KLKB1: variants seen among roughly 807,000 people sequenced by gnomAD.
KLKB1 encodes the protein kallikrein B1.
Under a neutral mutation model 73.6 loss-of-function variants are expected in KLKB1, and 58 were observed. The ratio of observed to expected loss-of-function variants is 0.79; its 90% CI spans 0.64 to 0.98. The LOEUF (loss-of-function observed/expected upper bound fraction) is 0.98. Among genes scored for constraint, KLKB1 ranks in the 50% least tolerant of loss-of-function variants. KLKB1 has a pLI of 0.00. For missense variants in KLKB1, 737 were observed against 763.8 expected, an observed-to-expected ratio of 0.96 and a Z score of 0.41; for synonymous variants, 280 against 258.1, an observed-to-expected ratio of 1.08 and a Z score of -0.81.
intron 11 of KLKB1, among the ~76,000 whole-genome samples, chr4:186,253,135 CT>C (rs1272041817): frequency 6.6e-6 from 1 of 152,130 alleles, no homozygotes; most frequent in African/African-American, 2.4e-5. Context: ...ATTTAAAATG[CT>C]TAGTACTGTG....
chr4:186,226,792 A>G (rs1332313922), upstream of KLKB1, among the ~76,000 whole-genome samples: 1 of 152,138 alleles, frequency 6.6e-6, no homozygotes, highest in East Asian at 1.9e-4. Context: ...CTGGATCTGC[A>G]GGGGATGGCC....
At chr4:186,216,124 T>A (rs1334668179) in intron 2 of KLKB1, among the ~76,000 whole-genome samples, 1 of 152,222 alleles carries the variant, frequency 6.6e-6, no homozygotes, top group Middle Eastern at 3.2e-3. Context: ...GGTAATAGCT[T>A]ACATGTGCGA....
intron 6 of KLKB1, among the ~76,000 whole-genome samples, chr4:186,239,389 T>C (rs981326295): frequency 1.7e-4 from 26 of 149,556 alleles, no homozygotes; most frequent in African/African-American, 5.7e-4. Flanking sequence ...GGTACAGTGA[T>C]ATAGGACAGT....
chr4:186,212,899 G>T (rs1392226567), intron 2 of KLKB1: 1 of 152,134 alleles, frequency 6.6e-6, no homozygotes, highest in African/African-American at 2.4e-5. Context: ...AAGGAAGGAG[G>T]TGATACAATT....
chr4:186,225,733 C>T (rs535272282), upstream of KLKB1, among the ~76,000 whole-genome samples: 36 of 152,128 alleles, frequency 2.4e-4, no homozygotes, highest in African/African-American at 6.3e-4. Flanking sequence ...TGCACCTGGC[C>T]GAGGATCTCT....
At chr4:186,215,728 C>T (rs28386792) in intron 2 of KLKB1, among the ~76,000 whole-genome samples, 3 of 152,086 alleles carry the variant, frequency 2.0e-5, no homozygotes, top group East Asian at 1.9e-4. Flanking sequence ...TGCATGCCAC[C>T]GTGCCTGGCT....
Position 186,251,626 on chromosome 4 carries a change from C to G in KLKB1, c.1008C>G (p.Leu336=). The G allele has an allele frequency of 1.2e-6, 2 of 1,614,088 alleles. No individual in the cohort carries two copies. The highest frequency in any genetic ancestry group is 2.2e-5 in the South Asian group (2 of 91,078). The part of the protein sequence containing the change: ...IRCQFFTYSL[L]PEDCKEEKCK... ...GTCAGTTTTTCACTTATTCTTTACT[C>G]CCAGAAGACTGTAAGGAAGAGAAGT... is the stretch of plus-strand genomic sequence containing the variant. Residue 336 remains leucine (L), a synonymous_variant, in exon 9 of 15, where the codon CTC becomes CTG. Transcript: ENST00000264690.
intron 2 of KLKB1, among the ~76,000 whole-genome samples, chr4:186,214,957 C>T (rs79522302): frequency 0.011 from 1,722 of 152,276 alleles, 35 homozygotes; most frequent in African/African-American, 0.039. Context: ...CCTCTTTACC[C>T]GTCACTTTCT....
At chr4:186,215,534 T>C (rs1346339271) in intron 2 of KLKB1, among the ~76,000 whole-genome samples, 1 of 152,104 alleles carries the variant, frequency 6.6e-6, no homozygotes, top group Non-Finnish European at 1.5e-5. Flanking sequence ...AGTTTTATGC[T>C]TATGGAAATA....
intron 13 of KLKB1, among the ~76,000 whole-genome samples, chr4:186,256,581 T>A (rs1354919935): frequency 6.6e-6 from 1 of 152,186 alleles, no homozygotes; most frequent in Non-Finnish European, 1.5e-5. Flanking sequence ...CATTTTTAGA[T>A]TTTTTATTGG....
At chr4:186,249,018 G>A (rs1738531588) in intron 6 of KLKB1, among the ~76,000 whole-genome samples, 1 of 151,900 alleles carries the variant, frequency 6.6e-6, no homozygotes, top group Non-Finnish European at 1.5e-5. Flanking sequence ...AAAATAATTG[G>A]GTTATTTTCA....
chr4:186,244,849 G>T (rs1433368723), intron 6 of KLKB1, among the ~76,000 whole-genome samples: 2 of 152,164 alleles, frequency 1.3e-5, no homozygotes, highest in Non-Finnish European at 2.9e-5. Flanking sequence ...CATGCTGTGG[G>T]ATGGGATATT....
intron 2 of KLKB1, among the ~76,000 whole-genome samples, chr4:186,218,212 C>G (rs1313715389): frequency 6.6e-6 from 1 of 152,204 alleles, no homozygotes; most frequent in East Asian, 1.9e-4. Flanking sequence ...TCAAGCCAGT[C>G]CCTTCCAAAT....
upstream of KLKB1, among the ~76,000 whole-genome samples, chr4:186,223,268 G>C (rs1285280162): frequency 6.6e-6 from 1 of 152,210 alleles, no homozygotes; most frequent in Non-Finnish European, 1.5e-5. Context: ...GTGAGGTACT[G>C]CTATAAAGAC....
chr4:186,250,288 A>T lies in KLKB1; in HGVS notation c.644A>T (p.Asp215Val). The T allele has an allele frequency of 6.2e-7, 1 of 1,614,130 alleles. No homozygotes were observed. ...CAGCATCTTGCGTTCTCAGATGTGGATGTTGCCAGGGTTCTCACTCCAGAT... is the reference window on the plus strand; with the variant it reads ...CAGCATCTTGCGTTCTCAGATGTGGTTGTTGCCAGGGTTCTCACTCCAGAT... Reference protein sequence around the residue: ...IFQHLAFSDVDVARVLTPDAF... With the variant: ...IFQHLAFSDVVVARVLTPDAF... The change falls in exon 7 of 15, where the codon GAT becomes GTT. Residue 215 changes from aspartate to valine, a missense_variant. Physicochemically the swap from Asp to Val is radical, Grantham distance 152. Transcript: ENST00000264690.
intron 14 of KLKB1, 55 bp from the exon 15 acceptor site, chr4:186,257,966 A>G: frequency 1.3e-6 from 2 of 1,512,428 alleles, no homozygotes; most frequent in Middle Eastern, 1.7e-4. Flanking sequence ...GCAGTCACTT[A>G]TTTGAATCCC....
At chr4:186,215,134 G>A (rs969161088) in intron 2 of KLKB1, among the ~76,000 whole-genome samples, 8 of 151,794 alleles carry the variant, frequency 5.3e-5, no homozygotes, top group Non-Finnish European at 1.0e-4. Context: ...AGATCTTATC[G>A]GGAAGAAAAA....
At chr4:186,225,785 C>G (rs573428398), upstream of KLKB1, among the ~76,000 whole-genome samples, 1 of 152,222 alleles carries the variant, frequency 6.6e-6, no homozygotes, top group East Asian at 1.9e-4. Context: ...CTTCATAAAT[C>G]TGGATGTTTA....
At chr4:186,218,729 A>G (rs1736965997) in intron 2 of KLKB1, among the ~76,000 whole-genome samples, 1 of 152,126 alleles carries the variant, frequency 6.6e-6, no homozygotes, top group African/African-American at 2.4e-5. Context: ...ATTATGAACT[A>G]TAGTCACCAT....
Sources: gnomAD v4.1 joint callset for allele counts (sites outside exome capture counted in the v4.1 genomes callset) on GRCh38, gnomAD v4.1.1 for gene constraint, MANE v1.5 for transcripts, NCBI Gene and HGNC (gene_info 2026-07-23, HGNC 2026-07-21) for gene names.